MMS22L: variants seen among roughly 807,000 people sequenced by gnomAD.
MMS22L encodes MMS22 like, DNA repair protein.
Under a neutral mutation model 159.1 loss-of-function variants are expected in MMS22L, and 74 were observed. The ratio of observed to expected loss-of-function variants is 0.47; its 90% CI spans 0.39 to 0.56. MMS22L has a LOEUF of 0.56. Among genes scored for constraint, MMS22L ranks in the 20% least tolerant of loss-of-function variants. The pLI, the probability that MMS22L is intolerant of heterozygous loss-of-function variation, is 0.00. For synonymous variants in MMS22L, 517 were observed against 506.9 expected (o/e 1.02, Z -0.27); for missense variants, 1,351 against 1,422.1 (o/e 0.95, Z 0.80).
At chr6:97,227,794 TGGTA>T (rs1374276676) in intron 14 of MMS22L, among the ~76,000 whole-genome samples, 1 of 152,204 alleles carries the variant, frequency 6.6e-6, no homozygotes, top group Non-Finnish European at 1.5e-5. Flanking sequence ...CCATACTGAG[TGGTA>T]GTATTTAACT....
intron 8 of MMS22L, chr6:97,267,598 TTTTA>T (rs1815259790): frequency 1.0e-5 from 2 of 195,812 alleles, no homozygotes; most frequent in Non-Finnish European, 2.0e-5. Flanking sequence ...TAAACATCAT[TTTTA>T]TTTATTTATT....
intron 22 of MMS22L, among the ~76,000 whole-genome samples, chr6:97,153,563 G>A (rs1000835210): frequency 6.6e-6 from 1 of 151,692 alleles, no homozygotes; most frequent in Non-Finnish European, 1.5e-5. Context: ...AAAAGATGTG[G>A]TTTCACCGTA....
At chr6:97,203,158 C>G (rs892748248) in intron 14 of MMS22L, among the ~76,000 whole-genome samples, 1 of 152,120 alleles carries the variant, frequency 6.6e-6, no homozygotes, top group African/African-American at 2.4e-5. Context: ...TTTTTCTTAT[C>G]TTGTTCTTCA....
At chr6:97,258,560 CATACT>C (rs955019872) in intron 9 of MMS22L, 15 of 152,230 alleles carry the variant, frequency 9.9e-5, no homozygotes, top group African/African-American at 3.1e-4. Context: ...AGAAGTATTG[CATACT>C]ATAACAAATT....
At chr6:97,161,933 T>A in intron 22 of MMS22L, 69 bp downstream of exon 22, 2 of 1,450,694 alleles carry the variant, frequency 1.4e-6, no homozygotes, top group Middle Eastern at 3.6e-4. Context: ...ATCCATTAAA[T>A]TGAGGGGAAA....
In MMS22L at chr6:97,249,829, G is replaced by C. The variant is rs184889047; in HGVS notation, c.1120-3139C>G. On this transcript the variant is annotated intron_variant, in intron 10 of 24. Transcript: ENST00000683635. ...GAAAATGTCACCTCCAGTGCCAAGT[G>C]AGAAGGGCCATGACAGGGTTGATAT... Among the ~76,000 whole-genome samples the C allele has an allele frequency of 4.5e-3, 673 of 150,566 alleles. 4 individuals are homozygous for C. The highest frequency in any genetic ancestry group is 0.015 in the African/African-American group (626 of 40,946).
At position 97,215,841 on chromosome 6, in the gene MMS22L, C is replaced by T. The variant is rs539063957; in HGVS notation, c.2039+13053G>A. The stretch of plus-strand genomic sequence containing the variant: ...AAACCCCCCTGTTGCTATGAGCTCA[C>T]CAGGGGGAAATAGGCCTTAGGAGAC... On this transcript the variant is annotated intron_variant, in intron 14 of 24. Transcript: ENST00000683635. Among the ~76,000 whole-genome samples, 6 of 152,046 alleles carry T rather than the reference C, an allele frequency of 3.9e-5. 1 individual carries two copies. In the East Asian group the frequency reaches 1.2e-3, roughly 29 times the overall value.
intron 14 of MMS22L, among the ~76,000 whole-genome samples, chr6:97,211,476 T>C (rs1012647305): frequency 6.6e-6 from 1 of 152,098 alleles, no homozygotes; most frequent in African/African-American, 2.4e-5. Context: ...AATCTTTCAT[T>C]TCCCTAATGT....
Position 97,229,406 on chromosome 6 carries a change from G to A in MMS22L, c.1530-3C>T. The stretch of plus-strand genomic sequence containing the variant: ...TTTGATGGAATTTTGAATATATTCT[G>A]TAAAACATTAAAAAATGCTTTAATA... On this transcript the variant is annotated splice_polypyrimidine_tract_variant and splice_region_variant and intron_variant, in intron 13 of 24. Coordinates refer to ENST00000683635, the MANE Select transcript of MMS22L (RefSeq NM_001350599.2). 1 of 1,512,032 alleles carries A rather than the reference G, an allele frequency of 6.6e-7. No individual in the cohort carries two copies. The highest frequency in any genetic ancestry group is 8.9e-7 in the Non-Finnish European group (1 of 1,126,538). 93.7% of individuals were successfully genotyped at this position (1,512,032 alleles called of 1,614,324 possible). A position where few individuals can be genotyped will look rare whatever the true frequency, so the allele number is the denominator to read the frequency against.
At chr6:97,233,799 A>T in intron 12 of MMS22L, 62 bp downstream of exon 12, 1 of 1,512,224 alleles carries the variant, frequency 6.6e-7, no homozygotes, top group Non-Finnish European at 8.9e-7. Context: ...CCATAAAGAC[A>T]TTCCTCAAAT....
chr6:97,223,346 T>G (rs920209901), intron 14 of MMS22L, among the ~76,000 whole-genome samples: 3 of 152,056 alleles, frequency 2.0e-5, no homozygotes, highest in African/African-American at 7.2e-5. Context: ...GGTTTAAGTA[T>G]TTCATTATTT....
chr6:97,203,179 C>A (rs906532489), intron 14 of MMS22L, among the ~76,000 whole-genome samples: 5 of 152,126 alleles, frequency 3.3e-5, no homozygotes, highest in Non-Finnish European at 7.4e-5. Context: ...AAATTCGAAA[C>A]TAGAAAATCC....
intron 14 of MMS22L, among the ~76,000 whole-genome samples, chr6:97,193,776 T>A (rs960305411): frequency 4.6e-5 from 7 of 152,340 alleles, no homozygotes; most frequent in Admixed American, 2.0e-4. Context: ...TTATTTATTT[T>A]TTGAGACGGA....
chr6:97,231,662 G>T lies in MMS22L; in HGVS notation c.1303-10C>A, dbSNP rs748835935. On this transcript the variant is annotated splice_polypyrimidine_tract_variant and intron_variant, in intron 12 of 24. Transcript: ENST00000683635. ...TACTGAAGGAACTATTCTAAAAGGG[G>T]GGAAAAAAAAGATAGAAAACAATTA... is the stretch of plus-strand genomic sequence containing the variant. 12 of 1,495,504 alleles carry T rather than the reference G, an allele frequency of 8.0e-6. No homozygotes were observed. Among genetic ancestry groups the T allele is most frequent in the Non-Finnish European group, 1.1e-5 (12 of 1,103,778 alleles). The allele number at this position is 1,495,504 out of a possible 1,614,324, so 92.6% of individuals were successfully genotyped here.
chr6:97,230,614 A>T (rs1445808558), intron 13 of MMS22L: 1 of 152,098 alleles, frequency 6.6e-6, no homozygotes, highest in African/African-American at 2.4e-5. Flanking sequence ...AACTCCAATG[A>T]CTTCTTTTAG....
chr6:97,160,677 A>G (rs1200098326), intron 22 of MMS22L, among the ~76,000 whole-genome samples: 1 of 151,966 alleles, frequency 6.6e-6, no homozygotes, highest in African/African-American at 2.4e-5. Context: ...TTTAGAAATT[A>G]TATTTTATTT....
At chr6:97,261,111 G>A (rs928033369) in intron 9 of MMS22L, 1 of 152,156 alleles carries the variant, frequency 6.6e-6, no homozygotes, top group Admixed American at 6.5e-5. Context: ...TGATTTTAAA[G>A]CAGTTTTATA....
chr6:97,165,204 A>C (rs1161869232), intron 21 of MMS22L, 42 bp downstream of exon 21: 1 of 1,552,404 alleles, frequency 6.4e-7, no homozygotes, highest in African/African-American at 1.4e-5. Flanking sequence ...AATAGAGCTT[A>C]ATAATTTGTA....
rs114656793 is a variant in MMS22L at position 97,218,114 on chromosome 6, A to G, written c.2039+10780T>C. On this transcript the variant is annotated intron_variant, in intron 14 of 24. Coordinates refer to ENST00000683635, the MANE Select transcript of MMS22L (RefSeq NM_001350599.2). ...GATAACTAGTGAATTAGAAAGATAA[A>G]ATAATAATAGTCATCCAGAAAATAC... Among the ~76,000 whole-genome samples, 720 of 152,312 alleles carry G rather than the reference A, an allele frequency of 4.7e-3. 3 individuals carry two copies. Among genetic ancestry groups the G allele is most frequent in the African/African-American group, 0.016 (682 of 41,574 alleles).
Sources: gnomAD v4.1 joint callset for allele counts (sites outside exome capture counted in the v4.1 genomes callset) on GRCh38, gnomAD v4.1.1 for gene constraint, MANE v1.5 for transcripts, NCBI Gene and HGNC (gene_info 2026-07-23, HGNC 2026-07-21) for gene names.